The following ZNF782 variants were observed in gnomAD, a reference collection of about 807,000 sequenced individuals.
ZNF782 encodes zinc finger protein 782.
In ZNF782, 12 loss-of-function variants were observed where a neutral mutation model predicts 13.0. The observed-to-expected ratio is 0.92, with a 90% CI of 0.59 to 1.50. The LOEUF (loss-of-function observed/expected upper bound fraction) is 1.50, where lower values mean the gene tolerates loss of function less well. Ranked by LOEUF, ZNF782 falls within the 40% of genes most tolerant of loss-of-function variation. The probability of loss-of-function intolerance (pLI) is 0.00; values close to 1 mark genes in which losing one functional copy is unlikely to be tolerated. For synonymous variants in ZNF782, 284 were observed against 283.0 expected, an observed-to-expected ratio of 1.00 and a Z score of -0.04; for missense variants, 770 against 822.9, an observed-to-expected ratio of 0.94 and a Z score of 0.79.
chr9:96,820,402 T>C (rs1353957085), intron 5 of ZNF782, among the ~76,000 whole-genome samples: 1 of 152,230 alleles, frequency 6.6e-6, no homozygotes, highest in African/African-American at 2.4e-5. Flanking sequence ...GTCTGCATTA[T>C]CATCAAAGGA....
At chr9:96,826,239 G>A (rs943130719) in intron 5 of ZNF782, among the ~76,000 whole-genome samples, 3 of 152,098 alleles carry the variant, frequency 2.0e-5, no homozygotes, top group African/African-American at 7.2e-5. Context: ...ATGAGTTCAT[G>A]TCCTTTGTAG....
At chr9:96,827,030 T>C in intron 5 of ZNF782, 50 bp downstream of exon 5, 2 of 1,205,600 alleles carry the variant, frequency 1.7e-6, no homozygotes, top group East Asian at 2.4e-5. Flanking sequence ...GTTGTGTGAG[T>C]ACTCCTAGTG....
intron 5 of ZNF782, among the ~76,000 whole-genome samples, chr9:96,825,844 A>G (rs1850599199): frequency 6.6e-6 from 1 of 151,098 alleles, no homozygotes; most frequent in African/African-American, 2.4e-5. Context: ...CAAAACCACA[A>G]TGAGATACCA....
chr9:96,840,254 T>C (rs1851146304), intron 4 of ZNF782, among the ~76,000 whole-genome samples: 1 of 152,122 alleles, frequency 6.6e-6, no homozygotes, highest in Non-Finnish European at 1.5e-5. Context: ...CTGGTTCTTT[T>C]TCAGGTCTCT....
the ZNF782 span, among the ~76,000 whole-genome samples, chr9:96,921,694 CTATT>C: frequency 1.4e-5 from 2 of 146,152 alleles, no homozygotes; most frequent in Admixed American, 6.8e-5. Context: ...AACCCCATCT[CTATT>C]TTTTTTTTTA....
the ZNF782 span, among the ~76,000 whole-genome samples, chr9:96,911,867 G>A: frequency 6.6e-6 from 1 of 151,916 alleles, no homozygotes. Context: ...TTTTGTGTAT[G>A]TACTTAGCTG....
intron 4 of ZNF782, among the ~76,000 whole-genome samples, chr9:96,844,265 A>C (rs989148086): frequency 4.6e-5 from 7 of 152,220 alleles, no homozygotes; most frequent in African/African-American, 1.4e-4. Context: ...AAATGAAAAC[A>C]TATGTTGACA....
At chr9:96,890,604 T>G in the ZNF782 span, 2 of 152,250 alleles carry the variant, frequency 1.3e-5, no homozygotes, top group Admixed American at 6.5e-5. Flanking sequence ...CATTGGGAGA[T>G]CCAGTCAAGG....
chr9:96,900,140 C>CT, the ZNF782 span, among the ~76,000 whole-genome samples: 1 of 151,558 alleles, frequency 6.6e-6, no homozygotes. Flanking sequence ...ATTTAATAGC[C>CT]TTTACTCTGA....
chr9:96,818,827 C>T lies in ZNF782; in HGVS notation c.1196G>A (p.Cys399Tyr), dbSNP rs1245808858. 6.2e-7 allele frequency: 1 copy of T among 1,614,100 alleles called. No individual in the cohort carries two copies. Among genetic ancestry groups the T allele is most frequent in the Non-Finnish European group, 8.5e-7 (1 of 1,180,002 alleles). Residue 399 changes from cysteine (C) to tyrosine (Y), a missense_variant, in exon 6 of 6, where the codon TGC (cysteine) becomes TAC (tyrosine). Coordinates refer to ENST00000481138, the MANE Select transcript of ZNF782 (RefSeq NM_001001662.3). ...TGACTTCTCACTGAAGGCTTTCCCG[C>T]ACTCAGGACATTCATAGGGTTTCTC... ...TGEKPYECPECGKAFSEKSRL... is the reference protein window; with the variant it reads ...TGEKPYECPEYGKAFSEKSRL...
the ZNF782 span, among the ~76,000 whole-genome samples, chr9:96,918,095 T>C: frequency 2.0e-5 from 3 of 151,146 alleles, no homozygotes; most frequent in Non-Finnish European, 4.4e-5. Flanking sequence ...AGAATATTTA[T>C]GATTGACAGA....
chr9:96,900,820 A>G, the ZNF782 span, among the ~76,000 whole-genome samples: 2 of 151,252 alleles, frequency 1.3e-5, no homozygotes, highest in African/African-American at 4.9e-5. Flanking sequence ...ATGATAGGCC[A>G]CTCCTTACAA....
chr9:96,820,542 CT>C (rs375716425), intron 5 of ZNF782, among the ~76,000 whole-genome samples: 14,052 of 137,612 alleles, frequency 0.1, 512 homozygotes, highest in East Asian at 0.14. Context: ...AATAGTGAAT[CT>C]TTTTTTTTTT....
chr9:96,827,372 C>G (rs1041799174), intron 4 of ZNF782, among the ~76,000 whole-genome samples, 191 bp from the exon 5 acceptor site: 1 of 151,988 alleles, frequency 6.6e-6, no homozygotes, highest in Non-Finnish European at 1.5e-5. Context: ...CTATGTCACT[C>G]AGGCTGAAGT....
chr9:96,856,597 CAAGGT>C (rs936202961), upstream of ZNF782, among the ~76,000 whole-genome samples: 15 of 152,244 alleles, frequency 9.9e-5, no homozygotes, highest in African/African-American at 3.4e-4. Flanking sequence ...ACTATTAACT[CAAGGT>C]AAGAGGATCA....
At chr9:96,826,365 C>T (rs944509509) in intron 5 of ZNF782, among the ~76,000 whole-genome samples, 2 of 149,644 alleles carry the variant, frequency 1.3e-5, no homozygotes, top group South Asian at 4.2e-4. Flanking sequence ...CACATGGACA[C>T]AGGAAGGGGA....
chr9:96,834,692 T>C (rs1374523103), intron 4 of ZNF782, among the ~76,000 whole-genome samples: 1 of 152,204 alleles, frequency 6.6e-6, no homozygotes, highest in Non-Finnish European at 1.5e-5. Context: ...GCTAAATAAA[T>C]GTTTTTTCTT....
the ZNF782 span, among the ~76,000 whole-genome samples, chr9:96,932,739 G>A: frequency 1.3e-5 from 2 of 149,722 alleles, no homozygotes; most frequent in East Asian, 2.0e-4. Flanking sequence ...CACAACCTCC[G>A]CCTCCTGGGT....
At chr9:96,825,357 A>G (rs1007159516) in intron 5 of ZNF782, among the ~76,000 whole-genome samples, 1 of 150,996 alleles carries the variant, frequency 6.6e-6, no homozygotes, top group Non-Finnish European at 1.5e-5. Flanking sequence ...AGCCATATGT[A>G]GAAAGCTGAA....
Sources: allele counts gnomAD v4.1 joint callset (sites outside exome capture counted in the v4.1 genomes callset), GRCh38; gene constraint gnomAD v4.1.1; transcripts MANE v1.5; gene names NCBI Gene and HGNC (gene_info 2026-07-23, HGNC 2026-07-21).